The following CDC25C variants were observed in gnomAD, a reference collection of about 807,000 sequenced individuals.
CDC25C encodes the protein M-phase inducer phosphatase 3.
CDC25C carries 48 observed loss-of-function variants against 52.5 expected under a neutral mutation model. That is an observed-to-expected ratio of 0.91 (90% CI 0.72 to 1.16). The LOEUF is 1.16. Ranked by LOEUF, CDC25C falls within the 50% of genes most tolerant of loss-of-function variation. CDC25C has a pLI of 0.00. For missense variants in CDC25C, 510 were observed against 566.1 expected (o/e 0.90, Z 1.01); for synonymous variants, 187 against 206.5 (o/e 0.91, Z 0.81).
intron 7 of CDC25C, among the ~76,000 whole-genome samples, chr5:138,311,166 T>C (rs1361503386): frequency 1.3e-5 from 2 of 152,210 alleles, no homozygotes; most frequent in Admixed American, 1.3e-4. Context: ...AATTTCTCCA[T>C]ATTGTAGCCA....
intron 7 of CDC25C, among the ~76,000 whole-genome samples, chr5:138,294,650 G>T (rs956132686): frequency 6.6e-6 from 1 of 151,652 alleles, no homozygotes; most frequent in African/African-American, 2.4e-5. Flanking sequence ...GACTACAGGC[G>T]CCCGCCACCA....
intron 7 of CDC25C, among the ~76,000 whole-genome samples, chr5:138,295,908 A>C (rs1019238030): frequency 2.8e-4 from 42 of 152,194 alleles, no homozygotes; most frequent in Middle Eastern, 6.3e-3. Context: ...AGAAAGCCAA[A>C]AAGAAGGGAG....
intron 7 of CDC25C, among the ~76,000 whole-genome samples, chr5:138,293,146 C>T (rs746335931): frequency 6.6e-6 from 1 of 152,126 alleles, no homozygotes; most frequent in African/African-American, 2.4e-5. Flanking sequence ...CTGATGGTAC[C>T]GTCCACATTA....
chr5:138,320,509 T>C (rs989849475), intron 6 of CDC25C, among the ~76,000 whole-genome samples: 2 of 151,990 alleles, frequency 1.3e-5, no homozygotes, highest in Non-Finnish European at 2.9e-5. Flanking sequence ...TAGATGAACT[T>C]TGAAGACATT....
intron 9 of CDC25C, 96 bp from the exon 10 acceptor site, chr5:138,289,659 A>G (rs1171307853): frequency 2.8e-5 from 27 of 970,852 alleles, no homozygotes; most frequent in Non-Finnish European, 3.9e-5. Context: ...AGTGACCCTT[A>G]AAACCCCAGA....
intron 3 of CDC25C, chr5:138,328,846 T>A (rs1760100792): frequency 4.3e-6 from 1 of 233,864 alleles, no homozygotes; most frequent in East Asian, 9.1e-5. Context: ...TCTGGAAGGT[T>A]AACTTATGAA....
exon 1 of CDC25C, chr5:138,338,165 G>A (rs1193306782): frequency 1.5e-5 from 19 of 1,289,486 alleles, no homozygotes; most frequent in Non-Finnish European, 1.8e-5. Context: ...TGGGTGGCTT[G>A]GGGGGATTCT....
chr5:138,297,028 A>G (rs1757261773), intron 7 of CDC25C, among the ~76,000 whole-genome samples: 1 of 142,694 alleles, frequency 7.0e-6, no homozygotes, highest in Non-Finnish European at 1.5e-5. Context: ...CTTCTGCCTC[A>G]GCCTCCCAAG....
chr5:138,331,177 A>T lies in CDC25C; in HGVS notation c.4T>A (p.Ser2Thr). 2 of 1,614,118 alleles carry T rather than the reference A, an allele frequency of 1.2e-6. No individual in the cohort carries two copies. ...CTTGTGGATGAGAAGAGTTCCGTAG[A>T]CATGGTCTTCGAATTCTCACCAGGA... Reference protein sequence around the residue: MSTELFSSTREE... With the variant: MTTELFSSTREE... Residue 2 changes from serine (S) to threonine (T), a missense_variant, in exon 2 of 14, where the codon TCT (serine) becomes ACT (threonine). Ser to Thr is a moderately conservative substitution (Grantham distance 58, BLOSUM62 1). Coordinates refer to ENST00000323760, the MANE Select transcript of CDC25C (RefSeq NM_001790.5).
chr5:138,295,508 G>A (rs961161109), intron 7 of CDC25C, among the ~76,000 whole-genome samples: 1 of 151,994 alleles, frequency 6.6e-6, no homozygotes, highest in African/African-American at 2.4e-5. Flanking sequence ...AGCTACTTGG[G>A]AGGCTGAAGT....
At chr5:138,312,847 C>T (rs918405481) in intron 7 of CDC25C, among the ~76,000 whole-genome samples, 8 of 151,988 alleles carry the variant, frequency 5.3e-5, no homozygotes, top group Non-Finnish European at 7.4e-5. Flanking sequence ...GTGCATTTTA[C>T]AATTTAACAT....
chr5:138,318,664 A>C (rs1306643169), intron 7 of CDC25C, among the ~76,000 whole-genome samples: 2 of 150,794 alleles, frequency 1.3e-5, no homozygotes, highest in Non-Finnish European at 3.0e-5. Context: ...GCAGTGAGCC[A>C]AGATGGCGCC....
chr5:138,328,500 C>T lies in CDC25C; in HGVS notation c.319G>A (p.Val107Met). 1.9e-6 allele frequency: 3 copies of T among 1,613,994 alleles called. No homozygotes were observed. Among genetic ancestry groups the T allele is most frequent in the Non-Finnish European group, 2.5e-6 (3 of 1,179,888 alleles). Residue 107 changes from valine (V) to methionine (M), a missense_variant, in exon 4 of 14, where the codon GTG becomes ATG. Physicochemically the swap from Val to Met is conservative, Grantham distance 21. Transcript: ENST00000323760. ...GHLDSSGLQE[V>M]HLAGMNHDQH... is the part of the protein sequence containing the mutation. ...AGAACTTACATCCCAGCTAAATGCA[C>T]TTCCTGAAGTCCTGAAGAATCCAGG...
At chr5:138,300,366 C>A (rs543592014) in intron 7 of CDC25C, among the ~76,000 whole-genome samples, 1 of 152,206 alleles carries the variant, frequency 6.6e-6, no homozygotes, top group African/African-American at 2.4e-5. Flanking sequence ...GAGTCTAAGA[C>A]CAGCCTGGGC....
At chr5:138,302,077 C>T (rs752590974) in intron 7 of CDC25C, among the ~76,000 whole-genome samples, 1 of 151,860 alleles carries the variant, frequency 6.6e-6, no homozygotes, top group Non-Finnish European at 1.5e-5. Context: ...TCACTGCAAC[C>T]TCTGCCTCCC....
intron 7 of CDC25C, among the ~76,000 whole-genome samples, chr5:138,313,932 AAAT>A (rs957289429): frequency 5.9e-5 from 9 of 151,320 alleles, no homozygotes; most frequent in African/African-American, 1.9e-4. Flanking sequence ...GTAAAGTCAA[AAAT>A]AATATCCTCC....
At chr5:138,313,064 A>T (rs79363310) in intron 7 of CDC25C, among the ~76,000 whole-genome samples, 3,011 of 151,830 alleles carry the variant, frequency 0.02, 53 homozygotes, top group Non-Finnish European at 0.033. Flanking sequence ...ATGGGGAGTT[A>T]TTGTTTATGG....
intron 7 of CDC25C, among the ~76,000 whole-genome samples, chr5:138,300,988 T>C (rs1165448919): frequency 6.6e-6 from 1 of 152,134 alleles, no homozygotes; most frequent in East Asian, 1.9e-4. Flanking sequence ...CATATCAAAA[T>C]TTGTGAGATG....
intron 7 of CDC25C, among the ~76,000 whole-genome samples, chr5:138,309,926 C>T (rs931228324): frequency 1.3e-5 from 2 of 151,956 alleles, no homozygotes; most frequent in Non-Finnish European, 2.9e-5. Flanking sequence ...AGGCTGGTCT[C>T]GAACTCCTGA....
Sources: allele counts gnomAD v4.1 joint callset (sites outside exome capture counted in the v4.1 genomes callset), GRCh38; gene constraint gnomAD v4.1.1; transcripts MANE v1.5; gene names NCBI Gene and HGNC (gene_info 2026-07-23, HGNC 2026-07-21).